TRAM2: variants seen among roughly 807,000 people sequenced by gnomAD.
The protein encoded by TRAM2 is translocation associated membrane protein 2.
In TRAM2, 12 loss-of-function variants were observed where a neutral mutation model predicts 51.0. That is an observed-to-expected ratio of 0.24 (90% confidence interval 0.15 to 0.38). The LOEUF (loss-of-function observed/expected upper bound fraction) is 0.38, where lower values mean the gene tolerates loss of function less well. Among genes scored for constraint, TRAM2 ranks in the 10% least tolerant of loss-of-function variants. The pLI is 1.00. For synonymous variants in TRAM2, 175 were observed against 179.4 expected, an observed-to-expected ratio of 0.98 and a Z score of 0.20; for missense variants, 361 against 462.0, an observed-to-expected ratio of 0.78 and a Z score of 2.00.
intron 1 of TRAM2, among the ~76,000 whole-genome samples, chr6:52,547,606 G>A (rs576248580): frequency 1.3e-5 from 2 of 152,322 alleles, no homozygotes; most frequent in African/African-American, 4.8e-5. Flanking sequence ...TTGAACCGAT[G>A]CTACACTGCC....
chr6:52,556,213 A>T (rs1767402314), intron 1 of TRAM2, among the ~76,000 whole-genome samples: 1 of 150,670 alleles, frequency 6.6e-6, no homozygotes, highest in Non-Finnish European at 1.5e-5. Flanking sequence ...GCACGCAGGG[A>T]GAAGTGGGGC....
At chr6:52,526,148 G>GAC (rs147338244) in intron 2 of TRAM2, among the ~76,000 whole-genome samples, 6 of 146,494 alleles carry the variant, frequency 4.1e-5, no homozygotes, top group South Asian at 2.2e-4. Context: ...AATACACACA[G>GAC]ACAGACACAC....
chr6:52,537,917 C>T (rs940935711), intron 1 of TRAM2, among the ~76,000 whole-genome samples: 1 of 152,196 alleles, frequency 6.6e-6, no homozygotes, highest in Non-Finnish European at 1.5e-5. Context: ...CTACCATCAA[C>T]GGCCTTCTCT....
At chr6:52,567,982 G>C (rs1767616246) in intron 1 of TRAM2, among the ~76,000 whole-genome samples, 1 of 152,172 alleles carries the variant, frequency 6.6e-6, no homozygotes, top group South Asian at 2.1e-4. Flanking sequence ...CTCGCAATTT[G>C]AGTTTTATAC....
rs776795584 is a variant in TRAM2 at position 52,505,990 on chromosome 6, C to A, written c.731+42G>T. The A allele has an allele frequency of 3.7e-6, 6 of 1,604,376 alleles. 1 individual carries two copies. In the South Asian group the frequency reaches 6.6e-5, roughly 18 times the overall value. On this transcript the variant is annotated intron_variant, in intron 8 of 10. Coordinates refer to ENST00000182527, the MANE Select transcript of TRAM2 (RefSeq NM_012288.4). The stretch of plus-strand genomic sequence containing the variant: ...CATCCGGGCCTCGGGGGAACCCCTG[C>A]CCAGGCCTCTAAGCGGGCCAGCCTG...
At chr6:52,560,657 T>C (rs924562371) in intron 1 of TRAM2, among the ~76,000 whole-genome samples, 2 of 152,236 alleles carry the variant, frequency 1.3e-5, no homozygotes, top group Non-Finnish European at 2.9e-5. Context: ...GTTCACACTG[T>C]CGTATGAACT....
intron 1 of TRAM2, among the ~76,000 whole-genome samples, chr6:52,557,099 A>G (rs1412227413): frequency 3.3e-5 from 5 of 151,646 alleles, no homozygotes; most frequent in African/African-American, 4.8e-5. Context: ...AGGCTGAGGC[A>G]GGAGAATCGC....
At chr6:52,526,148 GACAGACACACACACACAC>G (rs1353518575) in intron 2 of TRAM2, among the ~76,000 whole-genome samples, 15,031 of 146,368 alleles carry the variant, frequency 0.1, 1,133 homozygotes, top group Admixed American at 0.24. Flanking sequence ...AATACACACA[GACAGACACACACACACAC>G]ACACACACAC....
chr6:52,506,984 G>A (rs1382846678), intron 7 of TRAM2, among the ~76,000 whole-genome samples: 2 of 152,190 alleles, frequency 1.3e-5, no homozygotes, highest in African/African-American at 4.8e-5. Context: ...CTCAGCAAAA[G>A]CCCAAATTAT....
At position 52,516,674 on chromosome 6, in the gene TRAM2, A is replaced by C; in HGVS notation, c.248T>G (p.Phe83Cys). 3 of 1,614,188 alleles carry C rather than the reference A, an allele frequency of 1.9e-6. No individual in the cohort carries two copies. The highest frequency in any genetic ancestry group is 2.5e-6 in the Non-Finnish European group (3 of 1,180,020). ...KDLVTILFYIFITIILHAVVQ... is the reference protein window; with the variant it reads ...KDLVTILFYICITIILHAVVQ... Reference sequence around the variant, plus strand: ...CACAGCATGCAAGATGATGGTGATGAAGATGTAGAACAAGATTGTGACCAG... The same window carrying C: ...CACAGCATGCAAGATGATGGTGATGCAGATGTAGAACAAGATTGTGACCAG... The change falls in exon 3 of 11, where the codon TTC becomes TGC. Residue 83 changes from phenylalanine to cysteine, a missense_variant. Coordinates refer to ENST00000182527, the MANE Select transcript of TRAM2 (RefSeq NM_012288.4).
chr6:52,506,240 G>GCTTTCCACTCCCA, intron 7 of TRAM2, 104 bp from the exon 8 acceptor site: 1 of 1,002,452 alleles, frequency 1.0e-6, no homozygotes, highest in Admixed American at 1.9e-5. Context: ...GCTGGGCTCT[G>GCTTTCCACTCCCA]CTTTCCACTC....
chr6:52,526,640 C>T (rs762708153), intron 2 of TRAM2, among the ~76,000 whole-genome samples: 3 of 152,180 alleles, frequency 2.0e-5, no homozygotes, highest in African/African-American at 4.8e-5. Flanking sequence ...CTGCTCACCT[C>T]GGCCTCCCAA....
intron 1 of TRAM2, among the ~76,000 whole-genome samples, chr6:52,541,619 C>T (rs928832201): frequency 6.6e-5 from 10 of 152,146 alleles, no homozygotes; most frequent in East Asian, 1.9e-4. Context: ...TAAGGCCTCT[C>T]GGGTTAATCC....
intron 1 of TRAM2, among the ~76,000 whole-genome samples, chr6:52,549,441 A>ACATCGTAACATAAAATTTGAAAGT (rs1405664800): frequency 5.9e-5 from 9 of 152,250 alleles, no homozygotes; most frequent in African/African-American, 2.2e-4. Context: ...AAAGGAGGCA[A>ACATCGTAACATAAAATTTGAAAGT]CATCGTAACA....
intron 10 of TRAM2, 74 bp from the exon 11 acceptor site, chr6:52,503,344 A>G (rs1766276874): frequency 1.5e-6 from 2 of 1,370,014 alleles, no homozygotes; most frequent in Admixed American, 3.4e-5. Context: ...GGGTGGGGCC[A>G]GGCCAAGGAA....
At chr6:52,533,131 A>G (rs1272110716) in intron 2 of TRAM2, among the ~76,000 whole-genome samples, 1 of 152,146 alleles carries the variant, frequency 6.6e-6, no homozygotes, top group Admixed American at 6.5e-5. Context: ...TGGTGGGCAG[A>G]GTTTCAATCT....
intron 5 of TRAM2, among the ~76,000 whole-genome samples, 184 bp from the exon 6 acceptor site, chr6:52,508,502 T>C (rs1218775403): frequency 6.6e-6 from 1 of 152,232 alleles, no homozygotes. Flanking sequence ...TCCATTGGCC[T>C]GTGCCCTTGT....
chr6:52,563,495 G>A (rs1581701865), intron 1 of TRAM2, among the ~76,000 whole-genome samples: 1 of 151,794 alleles, frequency 6.6e-6, no homozygotes, highest in African/African-American at 2.4e-5. Flanking sequence ...TGAGGTGGGC[G>A]GATCACGAGG....
At chr6:52,506,877 C>G (rs936414622) in intron 7 of TRAM2, among the ~76,000 whole-genome samples, 1 of 152,166 alleles carries the variant, frequency 6.6e-6, no homozygotes, top group African/African-American at 2.4e-5. Context: ...CAACGCACCT[C>G]GGGATTTCCA....
Sources: gnomAD v4.1 joint callset for allele counts (sites outside exome capture counted in the v4.1 genomes callset) on GRCh38, gnomAD v4.1.1 for gene constraint, MANE v1.5 for transcripts, NCBI Gene and HGNC (gene_info 2026-07-23, HGNC 2026-07-21) for gene names.